LACTB: variants seen among roughly 807,000 people sequenced by gnomAD.
The protein encoded by LACTB is serine beta-lactamase-like protein LACTB, mitochondrial.
Under a neutral mutation model 50.2 loss-of-function variants are expected in LACTB, and 35 were observed. That is an observed-to-expected ratio of 0.70 (90% CI 0.53 to 0.92). The LOEUF (loss-of-function observed/expected upper bound fraction) is 0.92, where lower values mean the gene tolerates loss of function less well. Ranked by LOEUF, LACTB falls within the 40% of genes least tolerant of loss-of-function variation. The pLI is 0.00. For missense variants in LACTB, 664 were observed against 691.8 expected, an observed-to-expected ratio of 0.96 and a Z score of 0.45; for synonymous variants, 252 against 268.2, an observed-to-expected ratio of 0.94 and a Z score of 0.59.
chr15:63,129,458 T>G, intron 4 of LACTB, 27 bp from the exon 5 acceptor site: 1 of 1,506,024 alleles, frequency 6.6e-7, no homozygotes, highest in Non-Finnish European at 8.9e-7. Context: ...TATTTTATTT[T>G]TTTCCTCCTC....
intron 1 of LACTB, 122 bp downstream of exon 1, chr15:63,122,350 A>G: frequency 1.1e-6 from 1 of 883,402 alleles, no homozygotes; most frequent in Non-Finnish European, 1.7e-6. Flanking sequence ...TCCGAGAAAG[A>G]CTTCCCATTT....
chr15:63,124,008 C>G (rs2037013845), intron 2 of LACTB, among the ~76,000 whole-genome samples: 2 of 151,184 alleles, frequency 1.3e-5, no homozygotes, highest in Admixed American at 6.6e-5. Flanking sequence ...AAGGAGACTC[C>G]CTTTCTGGTT....
chr15:63,133,620 GTTAA>G (rs910121460), intron 5 of LACTB, among the ~76,000 whole-genome samples: 3 of 152,026 alleles, frequency 2.0e-5, no homozygotes, highest in Non-Finnish European at 2.9e-5. Context: ...GTCTCTAAAC[GTTAA>G]TTAATTACTT....
At chr15:63,140,017 A>G (rs2037214263) in intron 5 of LACTB, among the ~76,000 whole-genome samples, 1 of 152,096 alleles carries the variant, frequency 6.6e-6, no homozygotes, top group South Asian at 2.1e-4. Flanking sequence ...TGAGGCAGGA[A>G]GATTGCTTGA....
At chr15:63,123,869 C>T (rs963655435) in intron 2 of LACTB, among the ~76,000 whole-genome samples, 36 of 152,266 alleles carry the variant, frequency 2.4e-4, no homozygotes, top group Admixed American at 2.3e-3. Context: ...GGACTAGGAG[C>T]GTGACCACTG....
intron 4 of LACTB, among the ~76,000 whole-genome samples, chr15:63,128,990 C>G (rs1018688848): frequency 1.3e-5 from 2 of 152,130 alleles, no homozygotes; most frequent in Non-Finnish European, 2.9e-5. Flanking sequence ...TGATCCTCCC[C>G]CCTTGGCCTC....
At chr15:63,133,826 A>G (rs2037153401) in intron 5 of LACTB, among the ~76,000 whole-genome samples, 2 of 152,228 alleles carry the variant, frequency 1.3e-5, no homozygotes, top group African/African-American at 4.8e-5. Context: ...TTTGTAGAGA[A>G]AAATTTGAGA....
intron 5 of LACTB, among the ~76,000 whole-genome samples, chr15:63,133,605 ATCCTG>A (rs1358568759): frequency 6.6e-6 from 1 of 152,220 alleles, no homozygotes; most frequent in Non-Finnish European, 1.5e-5. Context: ...ACAAAGCAAG[ATCCTG>A]TCTCTAAACG....
intron 5 of LACTB, among the ~76,000 whole-genome samples, chr15:63,140,733 A>G (rs1390657860): frequency 6.6e-6 from 1 of 152,070 alleles, no homozygotes. Context: ...CTCCTGCCTT[A>G]GCCTCCTGAG....
intron 4 of LACTB, among the ~76,000 whole-genome samples, chr15:63,128,643 A>C (rs1013478932): frequency 3.3e-5 from 5 of 152,164 alleles, no homozygotes; most frequent in African/African-American, 1.2e-4. Context: ...AAATGATATA[A>C]AGTTATTTAT....
intron 5 of LACTB, chr15:63,130,064 C>T (rs1184234953): frequency 2.0e-5 from 3 of 153,430 alleles, no homozygotes; most frequent in Admixed American, 6.5e-5. Flanking sequence ...CACATATCCT[C>T]TTTACTCAGA....
intron 1 of LACTB, 49 bp from the exon 2 acceptor site, chr15:63,122,587 G>A: frequency 6.9e-7 from 1 of 1,451,168 alleles, no homozygotes; most frequent in Non-Finnish European, 9.7e-7. Flanking sequence ...AGAGCGCTGG[G>A]CTTTTTCAGC....
In LACTB at chr15:63,141,675, C is replaced by G; in HGVS notation, c.1514C>G (p.Thr505Arg). ...CTGGTCCTTCCTGAAGAACTGGATACAGAGACTATAAATAACAAGGTTCCC... is the reference window on the plus strand; with the variant it reads ...CTGGTCCTTCCTGAAGAACTGGATAGAGAGACTATAAATAACAAGGTTCCC... ...VLLVLPEELDTETINNKVPPR... is the reference protein window; with the variant it reads ...VLLVLPEELDRETINNKVPPR... The change falls in exon 6 of 6, where the codon ACA becomes AGA. Residue 505 changes from threonine to arginine, a missense_variant. Transcript: ENST00000261893. 6.2e-7 allele frequency: 1 copy of G among 1,614,162 alleles called. No homozygotes were observed. The highest frequency in any genetic ancestry group is 8.5e-7 in the Non-Finnish European group (1 of 1,180,028).
Position 63,127,441 on chromosome 15 carries a change from C to G in LACTB, c.704C>G (p.Ala235Gly). The change falls in exon 4 of 6, where the codon GCT (alanine) becomes GGT (glycine). Residue 235 changes from alanine to glycine, a missense_variant. Transcript: ENST00000261893. ...ATAAAAAAGGTGAAAGAAGAGAAAG[C>G]TTATAAAGCCTTGAAGATGATGAAA... is the stretch of plus-strand genomic sequence containing the variant. ...KDIKKVKEEK[A>G]YKALKMMKEN... The G allele has an allele frequency of 6.2e-7, 1 of 1,609,280 alleles. No individual in the cohort carries two copies. Among genetic ancestry groups the G allele is most frequent in the Non-Finnish European group, 8.5e-7 (1 of 1,178,150 alleles).
chr15:63,141,541 T>C lies in LACTB; in HGVS notation c.1380T>C (p.Tyr460=), dbSNP rs145965243. ...TEMSWDKEGK[Y]AMAWGVVERK... The stretch of plus-strand genomic sequence containing the variant: ...TGTCTTGGGATAAAGAGGGTAAATA[T>C]GCAATGGCGTGGGGTGTTGTGGAAA... Residue 460 remains tyrosine, a synonymous_variant, in exon 6 of 6, where the codon TAT becomes TAC. Transcript: ENST00000261893. 10 of 1,614,110 alleles carry C rather than the reference T, an allele frequency of 6.2e-6. No individual in the cohort carries two copies. In the African/African-American group the frequency reaches 1.1e-4, roughly 17 times the overall value.
chr15:63,141,151 T>C (rs1470199817), intron 5 of LACTB, 129 bp from the exon 6 acceptor site: 3 of 1,438,054 alleles, frequency 2.1e-6, no homozygotes, highest in Non-Finnish European at 2.7e-6. Flanking sequence ...TAGTGGTTAG[T>C]TTATAGTTTC....
chr15:63,131,686 T>G (rs551236839), intron 5 of LACTB, among the ~76,000 whole-genome samples: 1 of 152,322 alleles, frequency 6.6e-6, no homozygotes, highest in Admixed American at 6.5e-5. Context: ...GGTTCACACC[T>G]GTAATCCCAG....
At position 63,126,948 on chromosome 15, in the gene LACTB, G is replaced by C; in HGVS notation, c.514G>C (p.Val172Leu). 1 of 1,613,660 alleles carries C rather than the reference G, an allele frequency of 6.2e-7. No individual in the cohort carries two copies. The highest frequency in any genetic ancestry group is 1.3e-5 in the African/African-American group (1 of 75,036). The change falls in exon 3 of 6, where the codon GTT (valine) becomes CTT (leucine). Residue 172 changes from valine to leucine, a missense_variant. Physicochemically the swap from Val to Leu is conservative, Grantham distance 32. Transcript: ENST00000261893. ...TAGCATCAGCAAAAGTCTCACCATG[G>C]TTGCTCTTGCCAAATTGTGGGAAGC... ...IASISKSLTMVALAKLWEAGK... is the reference protein window; with the variant it reads ...IASISKSLTMLALAKLWEAGK...
At position 63,127,458 on chromosome 15, in the gene LACTB, A is replaced by G. The variant is rs2037067797; in HGVS notation, c.721A>G (p.Met241Val). 4.3e-6 allele frequency: 7 copies of G among 1,612,370 alleles called. No individual in the cohort carries two copies. The highest frequency in any genetic ancestry group is 5.9e-6 in the Non-Finnish European group (7 of 1,178,968). Residue 241 changes from methionine to valine, a missense_variant, in exon 4 of 6, where the codon ATG becomes GTG. By Grantham distance (21) the Met-to-Val change is conservative. Coordinates refer to ENST00000261893, the MANE Select transcript of LACTB (RefSeq NM_032857.5). ...AGAGAAAGCTTATAAAGCCTTGAAG[A>G]TGATGAAAGAGAATGTTGCATTTGA... ...KEEKAYKALK[M>V]MKENVAFEQE...
Sources: allele counts gnomAD v4.1 joint callset (sites outside exome capture counted in the v4.1 genomes callset), GRCh38; gene constraint gnomAD v4.1.1; transcripts MANE v1.5; gene names NCBI Gene and HGNC (gene_info 2026-07-23, HGNC 2026-07-21).